The following GALNTL6 variants were observed in gnomAD, a reference collection of about 807,000 sequenced individuals.
GALNTL6 encodes the protein polypeptide N-acetylgalactosaminyltransferase like 6.
A neutral mutation model predicts 73.7 loss-of-function variants in GALNTL6; 46 were observed. That is an observed-to-expected ratio of 0.62 (90% CI 0.49 to 0.80). GALNTL6 has a LOEUF of 0.80. Ranked by LOEUF, GALNTL6 falls within the 30% of genes least tolerant of loss-of-function variation. The pLI is 0.00. For missense variants in GALNTL6, 604 were observed against 755.0 expected (o/e 0.80, Z 2.34); for synonymous variants, 259 against 263.7 (o/e 0.98, Z 0.17).
chr4:171,816,584 G>A (rs781339264), intron 2 of GALNTL6, among the ~76,000 whole-genome samples: 9 of 151,886 alleles, frequency 5.9e-5, no homozygotes, highest in Non-Finnish European at 1.2e-4. Flanking sequence ...TCTATGTAGA[G>A]GCTTTGAAAC....
At chr4:172,409,079 T>A (rs1317093934) in intron 5 of GALNTL6, among the ~76,000 whole-genome samples, 2 of 152,098 alleles carry the variant, frequency 1.3e-5, no homozygotes, top group African/African-American at 4.8e-5. Context: ...AATCTTGTTA[T>A]TGCTACTCAA....
chr4:171,991,885 T>C (rs551208279), intron 2 of GALNTL6, among the ~76,000 whole-genome samples: 2 of 151,794 alleles, frequency 1.3e-5, no homozygotes, highest in East Asian at 3.9e-4. Context: ...TTCAATCTTA[T>C]GTCAATAAGT....
rs551227087 is a variant in GALNTL6, at chr4:172,731,868, T to C, written c.554-77493T>C. On this transcript the variant is annotated intron_variant, in intron 5 of 12. Coordinates refer to ENST00000506823, the MANE Select transcript of GALNTL6 (RefSeq NM_001034845.3). ...ATTTTCCAGGGTTCATCTTGTTTTTTATTTCTAGTTGTATTTCATATTTTT... is the reference window on the plus strand; with the variant it reads ...ATTTTCCAGGGTTCATCTTGTTTTTCATTTCTAGTTGTATTTCATATTTTT... 8.1e-4 allele frequency among the ~76,000 whole-genome samples: 123 copies of C among 152,320 alleles called. No individual in the cohort carries two copies. In the Middle Eastern group the frequency reaches 0.017, roughly 21 times the overall value.
rs563889456 is a variant in GALNTL6, at chr4:173,020,942, G to A, written c.1489-534G>A. ...ACAAAAATTAGCCAGGCGTGGTGGC[G>A]TGCGCCTGTAATCCCAGCTACTCGG... On this transcript the variant is annotated intron_variant, in intron 11 of 12. Coordinates refer to ENST00000506823, the MANE Select transcript of GALNTL6 (RefSeq NM_001034845.3). Among the ~76,000 whole-genome samples, 308 of 152,160 alleles carry A rather than the reference G, an allele frequency of 2.0e-3. 2 individuals are homozygous for A. The highest frequency in any genetic ancestry group is 3.5e-3 in the Non-Finnish European group (235 of 67,988).
At chr4:172,304,462 TC>T (rs1348855641) in intron 3 of GALNTL6, among the ~76,000 whole-genome samples, 1 of 151,814 alleles carries the variant, frequency 6.6e-6, no homozygotes, top group African/African-American at 2.4e-5. Context: ...GGTCCTGATG[TC>T]CTGGGTATGC....
chr4:172,118,833 T>G (rs1733064249), intron 2 of GALNTL6, among the ~76,000 whole-genome samples: 1 of 152,116 alleles, frequency 6.6e-6, no homozygotes, highest in Non-Finnish European at 1.5e-5. Context: ...AGTGATTTTT[T>G]TTTTCTTTTT....
At chr4:172,366,982 G>A (rs1742589131) in intron 5 of GALNTL6, among the ~76,000 whole-genome samples, 1 of 152,186 alleles carries the variant, frequency 6.6e-6, no homozygotes, top group African/African-American at 2.4e-5. Flanking sequence ...CAAGGAATTA[G>A]AATTAGCTTC....
At chr4:172,462,540 A>T (rs1579094206) in intron 5 of GALNTL6, among the ~76,000 whole-genome samples, 2 of 152,128 alleles carry the variant, frequency 1.3e-5, no homozygotes, top group East Asian at 3.9e-4. Context: ...CTTTCAGTAA[A>T]CTTTTCGCTC....
chr4:172,265,623 C>G (rs1283385443), intron 3 of GALNTL6, among the ~76,000 whole-genome samples: 7 of 152,000 alleles, frequency 4.6e-5, no homozygotes, highest in Non-Finnish European at 1.0e-4. Context: ...GATATATTAT[C>G]TAAGATTCAT....
chr4:172,960,458 G>A (rs899487242), intron 10 of GALNTL6, among the ~76,000 whole-genome samples: 2 of 152,206 alleles, frequency 1.3e-5, no homozygotes, highest in Non-Finnish European at 2.9e-5. Flanking sequence ...GCTCAGCCTG[G>A]CGAGGAGCAG....
chr4:172,805,657 T>C (rs1740913810), intron 5 of GALNTL6, among the ~76,000 whole-genome samples: 1 of 152,160 alleles, frequency 6.6e-6, no homozygotes, highest in South Asian at 2.1e-4. Flanking sequence ...TTCCTTGGTG[T>C]TATTTAAAAT....
intron 5 of GALNTL6, among the ~76,000 whole-genome samples, chr4:172,739,579 A>G (rs897088161): frequency 6.6e-6 from 1 of 152,196 alleles, no homozygotes; most frequent in African/African-American, 2.4e-5. Context: ...TAATTCCAGA[A>G]TAATTTTTCC....
intron 9 of GALNTL6, among the ~76,000 whole-genome samples, chr4:172,945,005 C>G (rs1308990606): frequency 6.6e-6 from 1 of 150,540 alleles, no homozygotes; most frequent in Non-Finnish European, 1.5e-5. Context: ...TTGCAGTGAG[C>G]CAAGATCACA....
intron 3 of GALNTL6, among the ~76,000 whole-genome samples, chr4:172,241,468 C>T (rs994758937): frequency 3.3e-5 from 5 of 152,110 alleles, no homozygotes; most frequent in African/African-American, 1.2e-4. Context: ...ACATCTGTGC[C>T]CTTAGAGTTA....
intron 5 of GALNTL6, among the ~76,000 whole-genome samples, chr4:172,732,303 T>C (rs1736196745): frequency 6.6e-6 from 1 of 152,196 alleles, no homozygotes; most frequent in South Asian, 2.1e-4. Flanking sequence ...CCTTGTCTTT[T>C]TTCACAGTCT....
At chr4:172,702,507 C>T (rs1734083811) in intron 5 of GALNTL6, among the ~76,000 whole-genome samples, 1 of 151,938 alleles carries the variant, frequency 6.6e-6, no homozygotes. Context: ...ACCCCGACCC[C>T]CTCAAAATTT....
intron 5 of GALNTL6, among the ~76,000 whole-genome samples, chr4:172,769,940 T>C (rs1050212438): frequency 2.0e-5 from 3 of 152,122 alleles, no homozygotes; most frequent in Admixed American, 2.0e-4. Flanking sequence ...ACCTGCATAA[T>C]GTATGCTCAT....
chr4:171,834,092 G>C (rs530235465), intron 2 of GALNTL6, among the ~76,000 whole-genome samples: 1 of 151,792 alleles, frequency 6.6e-6, no homozygotes, highest in East Asian at 1.9e-4. Flanking sequence ...ATATTTCCTG[G>C]CTTTGGGATA....
At chr4:172,224,238 G>A (rs1307692270) in intron 2 of GALNTL6, among the ~76,000 whole-genome samples, 3 of 152,088 alleles carry the variant, frequency 2.0e-5, no homozygotes, top group Non-Finnish European at 4.4e-5. Context: ...AGTGGGTAAG[G>A]TAGGTATTGT....
Sources: allele counts gnomAD v4.1 joint callset (sites outside exome capture counted in the v4.1 genomes callset), GRCh38; gene constraint gnomAD v4.1.1; transcripts MANE v1.5; gene names NCBI Gene and HGNC (gene_info 2026-07-23, HGNC 2026-07-21).